THSD7B: variants seen among roughly 807,000 people sequenced by gnomAD.
THSD7B encodes thrombospondin type-1 domain-containing protein 7B.
Under a neutral mutation model 213.6 loss-of-function variants are expected in THSD7B, and 138 were observed. The observed-to-expected ratio is 0.65, with a 90% CI of 0.56 to 0.74. The LOEUF is 0.74. Ranked by LOEUF, THSD7B falls within the 30% of genes least tolerant of loss-of-function variation. The pLI, the probability that THSD7B is intolerant of heterozygous loss-of-function variation, is 0.00. For synonymous variants in THSD7B, 742 were observed against 687.0 expected (o/e 1.08, Z -1.25); for missense variants, 1,931 against 1,991.5 (o/e 0.97, Z 0.58).
intron 1 of THSD7B, among the ~76,000 whole-genome samples, chr2:136,838,354 A>G (rs1682873797): frequency 6.6e-6 from 1 of 152,116 alleles, no homozygotes; most frequent in Non-Finnish European, 1.5e-5. Context: ...TAGGGATACT[A>G]AGGGCAGAGT....
intron 15 of THSD7B, among the ~76,000 whole-genome samples, chr2:137,463,983 G>A (rs1444855811): frequency 6.6e-6 from 1 of 152,056 alleles, no homozygotes; most frequent in East Asian, 1.9e-4. Flanking sequence ...CTGGTCCTCT[G>A]TGTAATCAGA....
chr2:137,076,830 CT>C (rs913434870), intron 3 of THSD7B, among the ~76,000 whole-genome samples: 2 of 151,660 alleles, frequency 1.3e-5, no homozygotes, highest in African/African-American at 4.8e-5. Flanking sequence ...TTTTTTTAAT[CT>C]TTTTTTATTA....
In THSD7B at chr2:137,024,212, C is replaced by T. The variant is rs551648867; in HGVS notation, c.140-32208C>T. On this transcript the variant is annotated intron_variant, in intron 2 of 27. Coordinates refer to ENST00000409968, the MANE Select transcript of THSD7B (RefSeq NM_001316349.2). ...TTCCTGGACGCGATCTGTCACCTCA[C>T]TCTCTCCTCAGGAGAATGGGGGAGA... 7.9e-5 allele frequency among the ~76,000 whole-genome samples: 12 copies of T among 152,286 alleles called. No homozygotes were observed. In the East Asian group the frequency reaches 2.3e-3, roughly 29 times the overall value.
At chr2:137,459,621 C>T (rs1006476397) in intron 15 of THSD7B, among the ~76,000 whole-genome samples, 32 of 151,774 alleles carry the variant, frequency 2.1e-4, no homozygotes, top group Admixed American at 1.8e-3. Context: ...GCTGAGATCG[C>T]ACCACTGCAC....
intron 12 of THSD7B, among the ~76,000 whole-genome samples, chr2:137,306,139 G>A (rs376697819): frequency 6.6e-6 from 1 of 152,050 alleles, no homozygotes; most frequent in Non-Finnish European, 1.5e-5. Context: ...TATATGACTG[G>A]AGAGCTCAGT....
intron 5 of THSD7B, among the ~76,000 whole-genome samples, chr2:137,132,670 G>A (rs543475431): frequency 5.7e-4 from 87 of 152,198 alleles, no homozygotes; most frequent in African/African-American, 2.0e-3. Context: ...GTCTACAATT[G>A]GAAAGGAATT....
intron 1 of THSD7B, among the ~76,000 whole-genome samples, chr2:136,855,913 C>T (rs1377067697): frequency 6.6e-6 from 1 of 152,072 alleles, no homozygotes; most frequent in Non-Finnish European, 1.5e-5. Flanking sequence ...TTACCCCCCT[C>T]CTTTTCCCCA....
chr2:137,239,148 G>T (rs369595666), intron 9 of THSD7B, among the ~76,000 whole-genome samples: 3 of 151,356 alleles, frequency 2.0e-5, no homozygotes, highest in Admixed American at 6.6e-5. Context: ...CTTTTTTTTT[G>T]AAATAATTAT....
chr2:136,809,462 A>T (rs1682342696), intron 1 of THSD7B, among the ~76,000 whole-genome samples: 1 of 152,070 alleles, frequency 6.6e-6, no homozygotes, highest in African/African-American at 2.4e-5. Flanking sequence ...AAGTTGGTAG[A>T]CTTCAACCAA....
chr2:137,671,247 T>TTA (rs1558878812), intron 27 of THSD7B, among the ~76,000 whole-genome samples: 1 of 133,516 alleles, frequency 7.5e-6, no homozygotes, highest in African/African-American at 3.2e-5. Context: ...TTTTTTTTTT[T>TTA]AAAAAAAAAA....
At chr2:137,293,532 A>G (rs1683388731) in intron 12 of THSD7B, among the ~76,000 whole-genome samples, 1 of 149,474 alleles carries the variant, frequency 6.7e-6, no homozygotes, top group Non-Finnish European at 1.5e-5. Flanking sequence ...CTATCTTTCT[A>G]TTTCTGCCTT....
At chr2:136,765,954 G>T (rs1681381887) in intron 1 of THSD7B, among the ~76,000 whole-genome samples, 1 of 152,214 alleles carries the variant, frequency 6.6e-6, no homozygotes, top group African/African-American at 2.4e-5. Context: ...GGGCGGGGAC[G>T]CCCCACGCGG....
intron 5 of THSD7B, among the ~76,000 whole-genome samples, chr2:137,130,570 T>C (rs1209604605): frequency 1.5e-5 from 2 of 134,594 alleles, no homozygotes; most frequent in Non-Finnish European, 1.5e-5. Context: ...GATGTTCCCC[T>C]TCCTGTGTCC....
chr2:136,842,649 C>A (rs1682937508), intron 1 of THSD7B, among the ~76,000 whole-genome samples: 2 of 152,062 alleles, frequency 1.3e-5, no homozygotes, highest in Admixed American at 1.3e-4. Context: ...TGAGAAGAAC[C>A]TTTTTTTGAA....
chr2:137,000,762 A>G (rs559584910), intron 2 of THSD7B, among the ~76,000 whole-genome samples: 45 of 152,280 alleles, frequency 3.0e-4, no homozygotes, highest in African/African-American at 1.0e-3. Flanking sequence ...AAGCCAAAGT[A>G]AATGCATTTT....
intron 3 of THSD7B, among the ~76,000 whole-genome samples, chr2:137,073,095 G>T (rs1006512004): frequency 2.7e-4 from 41 of 152,118 alleles, no homozygotes; most frequent in Non-Finnish European, 5.7e-4. Flanking sequence ...CCATGCTTTG[G>T]TATCAGGATG....
At chr2:137,402,321 T>G (rs1260977119) in intron 12 of THSD7B, among the ~76,000 whole-genome samples, 3 of 152,192 alleles carry the variant, frequency 2.0e-5, no homozygotes. Flanking sequence ...TAGCTATTCT[T>G]TCTTAATTTC....
chr2:137,163,435 T>C (rs1274472179), intron 6 of THSD7B, among the ~76,000 whole-genome samples: 1 of 152,168 alleles, frequency 6.6e-6, no homozygotes, highest in Non-Finnish European at 1.5e-5. Context: ...CATAGTGACA[T>C]ACACAGAGAG....
chr2:137,487,394 A>AC (rs1409717936), intron 15 of THSD7B, among the ~76,000 whole-genome samples: 1 of 141,248 alleles, frequency 7.1e-6, no homozygotes, highest in Non-Finnish European at 1.5e-5. Context: ...AAAAAAAAAA[A>AC]AAAAAGAACT....
Sources: allele counts gnomAD v4.1 joint callset (sites outside exome capture counted in the v4.1 genomes callset), GRCh38; gene constraint gnomAD v4.1.1; transcripts MANE v1.5; gene names NCBI Gene and HGNC (gene_info 2026-07-23, HGNC 2026-07-21).